ZMAT4: variants seen among roughly 807,000 people sequenced by gnomAD.
The protein encoded by ZMAT4 is zinc finger matrin-type 4.
A neutral mutation model predicts 28.7 loss-of-function variants in ZMAT4; 17 were observed. That is an observed-to-expected ratio of 0.59 (90% CI 0.41 to 0.89). The LOEUF is 0.89. Ranked by LOEUF, ZMAT4 falls within the 40% of genes least tolerant of loss-of-function variation. The pLI, the probability that ZMAT4 is intolerant of heterozygous loss-of-function variation, is 0.00. For missense variants in ZMAT4, 240 were observed against 283.8 expected, an observed-to-expected ratio of 0.85 and a Z score of 1.11; for synonymous variants, 117 against 109.2, an observed-to-expected ratio of 1.07 and a Z score of -0.44.
chr8:40,706,201 T>C (rs1410437645), intron 3 of ZMAT4, among the ~76,000 whole-genome samples: 1 of 152,126 alleles, frequency 6.6e-6, no homozygotes. Flanking sequence ...TACAGAAATG[T>C]ACCACCATGT....
intron 2 of ZMAT4, among the ~76,000 whole-genome samples, chr8:40,792,321 AG>A (rs1394542068): frequency 1.3e-5 from 2 of 151,424 alleles, no homozygotes; most frequent in African/African-American, 4.9e-5. Context: ...GACTATAAAT[AG>A]TTATATATTC....
At chr8:40,790,312 T>G (rs184631589) in intron 2 of ZMAT4, among the ~76,000 whole-genome samples, 250 of 152,306 alleles carry the variant, frequency 1.6e-3, no homozygotes, top group African/African-American at 5.6e-3. Flanking sequence ...TAACAATGGT[T>G]TTAAAAGCTT....
At chr8:40,616,990 C>T (rs1460741689) in intron 5 of ZMAT4, among the ~76,000 whole-genome samples, 1 of 151,604 alleles carries the variant, frequency 6.6e-6, no homozygotes, top group Non-Finnish European at 1.5e-5. Context: ...ATCATTCTCA[C>T]TCATGAAGAA....
At chr8:40,658,558 C>T (rs1394443571) in intron 5 of ZMAT4, among the ~76,000 whole-genome samples, 3 of 151,030 alleles carry the variant, frequency 2.0e-5, no homozygotes, top group East Asian at 2.0e-4. Context: ...AGATGTCTGG[C>T]GTTGGCTCCA....
intron 5 of ZMAT4, among the ~76,000 whole-genome samples, chr8:40,586,912 A>G (rs1324388479): frequency 2.0e-5 from 3 of 152,168 alleles, no homozygotes; most frequent in Non-Finnish European, 2.9e-5. Context: ...ATCATGAGGA[A>G]GAAAGTAAGT....
intron 1 of ZMAT4, among the ~76,000 whole-genome samples, chr8:40,860,700 G>C (rs1376583797): frequency 6.6e-6 from 1 of 152,188 alleles, no homozygotes; most frequent in Non-Finnish European, 1.5e-5. Flanking sequence ...AAGAGCTTCT[G>C]GCTTTACCCA....
intron 5 of ZMAT4, among the ~76,000 whole-genome samples, 177 bp from the exon 6 acceptor site, chr8:40,581,438 T>C (rs1292237581): frequency 6.6e-6 from 1 of 152,178 alleles, no homozygotes; most frequent in African/African-American, 2.4e-5. Context: ...AGAAGTGTAA[T>C]TATGAATATG....
At chr8:40,601,640 G>GCAGGCAGGCAGGC (rs1563360833) in intron 5 of ZMAT4, among the ~76,000 whole-genome samples, 2 of 23,738 alleles carry the variant, frequency 8.4e-5, no homozygotes, top group African/African-American at 2.4e-4. Context: ...GAAAGAGAAA[G>GCAGGCAGGCAGGC]AAAGAAAGAA....
chr8:40,841,719 G>A (rs1347556439), intron 1 of ZMAT4, among the ~76,000 whole-genome samples: 2 of 152,182 alleles, frequency 1.3e-5, no homozygotes, highest in Non-Finnish European at 2.9e-5. Context: ...ACTTTAGCCC[G>A]ATAATAATAA....
At chr8:40,609,920 A>C (rs1396137992) in intron 5 of ZMAT4, among the ~76,000 whole-genome samples, 1 of 152,204 alleles carries the variant, frequency 6.6e-6, no homozygotes, top group East Asian at 1.9e-4. Flanking sequence ...CAGTGAATGC[A>C]CATTGCACCA....
intron 3 of ZMAT4, among the ~76,000 whole-genome samples, chr8:40,718,144 G>C (rs866252141): frequency 6.6e-6 from 1 of 152,116 alleles, no homozygotes; most frequent in African/African-American, 2.4e-5. Flanking sequence ...TTAGAACCTC[G>C]TATAGATAGC....
intron 1 of ZMAT4, among the ~76,000 whole-genome samples, chr8:40,827,561 C>G (rs547074945): frequency 3.9e-5 from 6 of 152,336 alleles, no homozygotes; most frequent in African/African-American, 1.4e-4. Context: ...GGCCCTGGCT[C>G]TAGTGGCTCA....
chr8:40,541,411 C>A (rs1055711750), intron 6 of ZMAT4, among the ~76,000 whole-genome samples: 2 of 152,116 alleles, frequency 1.3e-5, no homozygotes, highest in African/African-American at 2.4e-5. Flanking sequence ...CTCCCCTCAA[C>A]AAAGGGTATA....
intron 1 of ZMAT4, among the ~76,000 whole-genome samples, chr8:40,844,525 A>C (rs528324426): frequency 6.6e-6 from 1 of 152,212 alleles, no homozygotes; most frequent in South Asian, 2.1e-4. Context: ...CCAGCTTGCA[A>C]ATGTCAGAAT....
chr8:40,620,800 A>T (rs961780679), intron 5 of ZMAT4, among the ~76,000 whole-genome samples: 1 of 152,168 alleles, frequency 6.6e-6, no homozygotes, highest in African/African-American at 2.4e-5. Flanking sequence ...TGGCTCAAAA[A>T]TGTTGATGAA....
intron 6 of ZMAT4, among the ~76,000 whole-genome samples, chr8:40,561,327 GGT>G: frequency 6.6e-6 from 1 of 151,954 alleles, no homozygotes; most frequent in Admixed American, 6.6e-5. Flanking sequence ...AGCTTTAGAG[GGT>G]ACTCTGGTGG....
chr8:40,872,564 G>A (rs1817899552), intron 1 of ZMAT4, among the ~76,000 whole-genome samples: 2 of 152,222 alleles, frequency 1.3e-5, no homozygotes, highest in Admixed American at 6.5e-5. Context: ...GGTAAGGGGT[G>A]GGCCTTAGGG....
chr8:40,618,659 GA>G lies in ZMAT4; in HGVS notation c.578-37399del, dbSNP rs11373573. Among the ~76,000 whole-genome samples, 638 of 139,336 alleles carry G rather than the reference GA, an allele frequency of 4.6e-3. 8 individuals carry two copies. The highest frequency in any genetic ancestry group is 0.015 in the African/African-American group (547 of 37,324). 91.4% of individuals were successfully genotyped at this position (139,336 alleles called of 152,430 possible). A position where few individuals can be genotyped will look rare whatever the true frequency, so the allele number is the denominator to read the frequency against. ...GTATACTACAGTTTTTCTACCACTA[GA>G]AAAAAAAAAAAAAGAAATGACTGGT... On this transcript the variant is annotated intron_variant, in intron 5 of 6. Transcript: ENST00000297737.
chr8:40,581,083 A>G, intron 6 of ZMAT4, 82 bp downstream of exon 6: 1 of 1,127,898 alleles, frequency 8.9e-7, no homozygotes, highest in Non-Finnish European at 1.3e-6. Flanking sequence ...TTATTTAGAA[A>G]TAGATGAAAT....
Sources: gnomAD v4.1 joint callset for allele counts (sites outside exome capture counted in the v4.1 genomes callset) on GRCh38, gnomAD v4.1.1 for gene constraint, MANE v1.5 for transcripts, NCBI Gene and HGNC (gene_info 2026-07-23, HGNC 2026-07-21) for gene names.